The following BLTP2 variants were observed in gnomAD, a reference collection of about 807,000 sequenced individuals.
BLTP2 encodes the protein U937-associated antigen.
At chr17:28,616,228 T>A in the BLTP2 span, 1 of 1,604,142 alleles carries the variant, frequency 6.2e-7, no homozygotes, top group Non-Finnish European at 8.5e-7. The surrounding 1 kb of genome is among the most constrained non-coding windows in gnomAD (Gnocchi z 4.8). Flanking sequence ...GTGTGAGCCC[T>A]GAATCCATCA....
the BLTP2 span, chr17:28,638,078 G>A: frequency 6.2e-7 from 1 of 1,614,136 alleles, no homozygotes; most frequent in African/African-American, 1.3e-5. Context: ...CAGGCCCAGA[G>A]GCTGGTTATA....
the BLTP2 span, chr17:28,639,644 T>C: frequency 6.2e-7 from 1 of 1,613,902 alleles, no homozygotes; most frequent in Non-Finnish European, 8.5e-7. Context: ...ACAACCCATC[T>C]GTAAGAGGCC....
chr17:28,628,178 C>T, the BLTP2 span: 1 of 1,156,778 alleles, frequency 8.6e-7, no homozygotes. Context: ...ATAGAAGCAC[C>T]ATGACTCAGT....
chr17:28,616,917 C>G, the BLTP2 span: 4 of 1,614,004 alleles, frequency 2.5e-6, no homozygotes, highest in Non-Finnish European at 3.4e-6. This position sits in a 1 kb window ranked among gnomAD's most constrained non-coding sequence, Gnocchi z 4.8. Context: ...AGAGATACCC[C>G]CAACAGGGGG....
the BLTP2 span, chr17:28,616,193 G>C: frequency 6.2e-7 from 1 of 1,613,864 alleles, no homozygotes; most frequent in Non-Finnish European, 8.5e-7. This position sits in a 1 kb window ranked among gnomAD's most constrained non-coding sequence, Gnocchi z 4.8. Context: ...GTCATCCACA[G>C]GGTGCTAAGA....
the BLTP2 span, chr17:28,614,877 G>T: frequency 1.1e-5 from 7 of 636,236 alleles, no homozygotes; most frequent in Non-Finnish European, 1.9e-5. Flanking sequence ...CCTGATCAGT[G>T]TGAGACAGAA....
At chr17:28,632,596 T>C in the BLTP2 span, among the ~76,000 whole-genome samples, 2 of 152,088 alleles carry the variant, frequency 1.3e-5, no homozygotes, top group Non-Finnish European at 2.9e-5. Flanking sequence ...CCTTCCACCA[T>C]ATTAGGACAC....
the BLTP2 span, among the ~76,000 whole-genome samples, chr17:28,622,252 C>T: frequency 1.3e-5 from 2 of 152,210 alleles, no homozygotes; most frequent in African/African-American, 2.4e-5. Flanking sequence ...AAGAGCACTG[C>T]TTGTCTGAAT....
At chr17:28,637,796 CA>C in the BLTP2 span, 2 of 1,587,282 alleles carry the variant, frequency 1.3e-6, no homozygotes, top group Non-Finnish European at 1.7e-6. Context: ...CTCAGTCTCC[CA>C]AGTAGCACAC....
chr17:28,633,403 T>G, the BLTP2 span: 1 of 1,610,670 alleles, frequency 6.2e-7, no homozygotes, highest in Non-Finnish European at 8.5e-7. Flanking sequence ...GTATGGATCC[T>G]ATGACCACCC....
At chr17:28,620,112 T>C in the BLTP2 span, 4 of 1,149,200 alleles carry the variant, frequency 3.5e-6, no homozygotes, top group Admixed American at 2.4e-5. Flanking sequence ...GGGGGGTCTC[T>C]TCTAGAAAGC....
chr17:28,632,894 C>T, the BLTP2 span: 31 of 1,394,938 alleles, frequency 2.2e-5, no homozygotes, highest in Non-Finnish European at 2.9e-5. Flanking sequence ...GCATCCATGC[C>T]CGTCCTCCCA....
At chr17:28,637,047 C>T in the BLTP2 span, 3 of 1,614,142 alleles carry the variant, frequency 1.9e-6, no homozygotes, top group Non-Finnish European at 2.5e-6. Context: ...AGGGGCCTTG[C>T]AACAGGGTTG....
At chr17:28,621,161 T>C in the BLTP2 span, 1 of 1,613,872 alleles carries the variant, frequency 6.2e-7, no homozygotes, top group Non-Finnish European at 8.5e-7. Flanking sequence ...CTCAGCTGGC[T>C]GGTTCCAATC....
chr17:28,638,411 G>C, the BLTP2 span: 1 of 1,613,842 alleles, frequency 6.2e-7, no homozygotes, highest in Non-Finnish European at 8.5e-7. Context: ...TGAGGTGCTG[G>C]TAATCTGAAC....
At chr17:28,632,384 C>A in the BLTP2 span, 1 of 644,848 alleles carries the variant, frequency 1.6e-6, no homozygotes. Context: ...CCAACTCCCT[C>A]TTCTTTCAAG....
chr17:28,631,959 G>A, the BLTP2 span: 31 of 1,609,418 alleles, frequency 1.9e-5, no homozygotes, highest in South Asian at 3.3e-5. Context: ...AGGATGGCAT[G>A]AGAGGGATGA....
At chr17:28,631,515 G>A in the BLTP2 span, 4 of 1,614,072 alleles carry the variant, frequency 2.5e-6, no homozygotes, top group East Asian at 8.9e-5. Flanking sequence ...GTTGGTAGGT[G>A]AGGGAGGACA....
chr17:28,624,492 T>C, the BLTP2 span: 1 of 1,066,844 alleles, frequency 9.4e-7, no homozygotes, highest in Admixed American at 2.6e-5. Flanking sequence ...TCTGGCTAGG[T>C]AAGAGCTTAG....
Sources: gnomAD v4.1 joint callset for allele counts (sites outside exome capture counted in the v4.1 genomes callset) on GRCh38, gnomAD v4.1.1 for gene constraint, Gnocchi (gnomAD v3.1) non-coding constraint, MANE v1.5 for transcripts, NCBI Gene and HGNC (gene_info 2026-07-23, HGNC 2026-07-21) for gene names.